Variants in NAV1 observed in about 807,000 individuals in gnomAD.
The protein encoded by NAV1 is neuron navigator 1, also known as pore membrane and/or filament interacting like protein 3.
A neutral mutation model predicts 175.2 loss-of-function variants in NAV1; 18 were observed. The observed-to-expected ratio is 0.10, with a 90% CI of 0.07 to 0.15. The LOEUF (loss-of-function observed/expected upper bound fraction) is 0.15, where lower values mean the gene tolerates loss of function less well. NAV1 is among the 10% of genes least tolerant of loss of function. NAV1 has a pLI of 1.00. For synonymous variants in NAV1, 897 were observed against 978.7 expected, an observed-to-expected ratio of 0.92 and a Z score of 1.56; for missense variants, 1,731 against 2,436.6, an observed-to-expected ratio of 0.71 and a Z score of 6.10.
intron 1 of NAV1, among the ~76,000 whole-genome samples, chr1:201,674,354 G>A (rs1670160758): frequency 6.6e-6 from 1 of 152,108 alleles, no homozygotes; most frequent in African/African-American, 2.4e-5. Context: ...ATTCTGTTCT[G>A]TGCCCTTCTT....
At chr1:201,714,068 G>A (rs1215357550) in intron 2 of NAV1, among the ~76,000 whole-genome samples, 4 of 152,062 alleles carry the variant, frequency 2.6e-5, no homozygotes, top group African/African-American at 7.2e-5. Flanking sequence ...GTGCCATCAC[G>A]CCCAGCTAAT....
At chr1:201,783,609 C>T (rs1270595316) in exon 7 of NAV1, 1 of 1,614,196 alleles carries the variant, frequency 6.2e-7, no homozygotes, top group East Asian at 2.2e-5. Context: ...ATTAACTCAG[C>T]CAGCTTCTCC....
At position 201,788,535 on chromosome 1, in the gene NAV1, C is replaced by A; in HGVS notation, c.3063C>A (p.Ala1021=). Residue 1021 remains alanine, a synonymous_variant, in exon 10 of 30, where the codon GCC becomes GCA. Coordinates refer to ENST00000367296, the Ensembl canonical transcript of NAV1. This position sits in a 1 kb window ranked among gnomAD's most constrained non-coding sequence, Gnocchi z 5.7. ...ACAGCATCCCCACCCACGAGGCGGC[C>A]TTCGAGCTGTACAGCGGCTCCCAAA... The A allele has an allele frequency of 6.2e-7, 1 of 1,614,212 alleles. No individual in the cohort carries two copies. Among genetic ancestry groups the A allele is most frequent in the Non-Finnish European group, 8.5e-7 (1 of 1,180,030 alleles).
chr1:201,584,107 A>C (rs912739987), intron 1 of NAV1, among the ~76,000 whole-genome samples: 7 of 152,272 alleles, frequency 4.6e-5, no homozygotes, highest in African/African-American at 9.6e-5. Flanking sequence ...GATATGTGCC[A>C]GATCTTTCAC....
chr1:201,682,797 G>C (rs1670517013), intron 1 of NAV1, among the ~76,000 whole-genome samples: 1 of 151,716 alleles, frequency 6.6e-6, no homozygotes, highest in Non-Finnish European at 1.5e-5. Flanking sequence ...TATCAACCTG[G>C]CTGTGCCTCA....
chr1:201,687,765 G>GC (rs1303112199), intron 1 of NAV1, among the ~76,000 whole-genome samples: 2 of 152,192 alleles, frequency 1.3e-5, no homozygotes, highest in African/African-American at 4.8e-5. Context: ...TGAACATGGT[G>GC]CCCCACCCTT....
At chr1:201,620,853 T>C (rs1352696461), upstream of NAV1, among the ~76,000 whole-genome samples, 12 of 152,212 alleles carry the variant, frequency 7.9e-5, no homozygotes, top group East Asian at 9.6e-4. Flanking sequence ...ATAACTTATT[T>C]AATTTGCATC....
chr1:201,593,745 C>G (rs190841819), intron 2 of NAV1, among the ~76,000 whole-genome samples: 2 of 152,298 alleles, frequency 1.3e-5, no homozygotes, highest in East Asian at 1.9e-4. Flanking sequence ...TTTTCCTCTC[C>G]CACCATCAAA....
intron 17 of NAV1, among the ~76,000 whole-genome samples, chr1:201,805,005 C>T (rs1331204175): frequency 6.6e-6 from 1 of 152,148 alleles, no homozygotes; most frequent in Admixed American, 6.5e-5. Context: ...ACCAGGAGGG[C>T]ACACTCAAGT....
At chr1:201,651,533 T>G (rs941122111) in intron 1 of NAV1, among the ~76,000 whole-genome samples, 3 of 152,090 alleles carry the variant, frequency 2.0e-5, no homozygotes, top group African/African-American at 7.2e-5. Context: ...ACCTCGGAAG[T>G]GAGGAGAGAA....
chr1:201,642,569 C>CCTT (rs1668825252), intron 2 of NAV1, among the ~76,000 whole-genome samples: 2 of 119,126 alleles, frequency 1.7e-5, no homozygotes, highest in Admixed American at 7.9e-5. Context: ...TCCCTTTCTT[C>CCTT]CCTTCCTTCT....
chr1:201,702,674 CT>C (rs376691700), intron 1 of NAV1, among the ~76,000 whole-genome samples: 121,064 of 130,102 alleles, frequency 0.93, 56,720 homozygotes, highest in Middle Eastern at 0.98. Flanking sequence ...TATGTGAATT[CT>C]CTCTCTCTCT....
intron 2 of NAV1, among the ~76,000 whole-genome samples, chr1:201,592,855 A>C (rs1257312271): frequency 6.6e-6 from 1 of 152,050 alleles, no homozygotes; most frequent in Non-Finnish European, 1.5e-5. Flanking sequence ...TACCCGTCAG[A>C]CCAGGAGCGA....
chr1:201,627,752 C>G (rs1668376039), intron 1 of NAV1, among the ~76,000 whole-genome samples: 1 of 152,152 alleles, frequency 6.6e-6, no homozygotes, highest in African/African-American at 2.4e-5. Flanking sequence ...TCCCCTACTT[C>G]AAAATCCCAG....
chr1:201,811,663 G>A (rs1429605594), exon 25 of NAV1: 1 of 1,614,082 alleles, frequency 6.2e-7, no homozygotes, highest in East Asian at 2.2e-5. Context: ...AGGAATTGGG[G>A]ATGTGCCCCT....
intron 3 of NAV1, among the ~76,000 whole-genome samples, chr1:201,755,664 A>C (rs558105258): frequency 6.6e-6 from 1 of 152,336 alleles, no homozygotes; most frequent in South Asian, 2.1e-4. Context: ...CAAGAATCAT[A>C]GTAGTGTGGT....
chr1:201,635,471 C>G (rs921946375), intron 2 of NAV1, among the ~76,000 whole-genome samples: 5 of 152,260 alleles, frequency 3.3e-5, no homozygotes, highest in African/African-American at 1.2e-4. Flanking sequence ...TAGCCTAGAG[C>G]TGTGCAGTGT....
intron 5 of NAV1, 114 bp downstream of exon 9, chr1:201,781,423 CAG>C: frequency 9.5e-7 from 1 of 1,055,206 alleles, no homozygotes; most frequent in Non-Finnish European, 1.3e-6. Context: ...AGTGCTTTAA[CAG>C]ACATTATCTT....
chr1:201,754,701 C>T (rs1194926946), intron 3 of NAV1, among the ~76,000 whole-genome samples: 1 of 152,194 alleles, frequency 6.6e-6, no homozygotes, highest in Non-Finnish European at 1.5e-5. Context: ...ACATAACTAT[C>T]TCCTGCTCTA....
Sources: gnomAD v4.1 joint callset for allele counts (sites outside exome capture counted in the v4.1 genomes callset) on GRCh38, gnomAD v4.1.1 for gene constraint, Gnocchi (gnomAD v3.1) non-coding constraint, MANE v1.5 for transcripts, NCBI Gene and HGNC (gene_info 2026-07-23, HGNC 2026-07-21) for gene names.